IL1RAPL1: variants seen among roughly 807,000 people sequenced by gnomAD.
The protein encoded by IL1RAPL1 is interleukin 1 receptor accessory protein like 1, also known as interleukin-1 receptor accessory protein-like 1.
In IL1RAPL1, 3 loss-of-function variants were observed where a neutral mutation model predicts 48.4. The observed-to-expected ratio is 0.06, with a 90% confidence interval of 0.03 to 0.16. IL1RAPL1 has a LOEUF of 0.16. Ranked by LOEUF, IL1RAPL1 falls within the 10% of genes least tolerant of loss-of-function variation. The pLI, the probability that IL1RAPL1 is intolerant of heterozygous loss-of-function variation, is 1.00. For missense variants in IL1RAPL1, 349 were observed against 530.6 expected (o/e 0.66, Z 3.36); for synonymous variants, 185 against 187.7 (o/e 0.99, Z 0.12).
intron 5 of IL1RAPL1, among the ~76,000 whole-genome samples, chrX:29,497,075 T>A (rs956112167): frequency 3.3e-4 from 37 of 112,885 alleles, no homozygotes; most frequent in African/African-American, 1.2e-3. Context: ...TTTTGATGAA[T>A]TCTCCATATT....
At chrX:29,375,159 A>ATTTT (rs764787587) in intron 3 of IL1RAPL1, among the ~76,000 whole-genome samples, 13 of 75,999 alleles carry the variant, frequency 1.7e-4, no homozygotes, top group Non-Finnish European at 2.2e-4. Flanking sequence ...ATTGGGAGCA[A>ATTTT]TTTTTTTTTT....
chrX:29,391,174 CAA>C (rs764215826), intron 3 of IL1RAPL1, among the ~76,000 whole-genome samples: 7 of 90,126 alleles, frequency 7.8e-5, no homozygotes, highest in African/African-American at 1.6e-4. Flanking sequence ...AATTCCATCT[CAA>C]AAAAAAAAAA....
rs764911136 is a variant in IL1RAPL1, at chrX:28,975,459, G to A, written c.82+186034G>A. On this transcript the variant is annotated intron_variant, in intron 2 of 10. Transcript: ENST00000378993. ...CTCTAGTACAAAACCTGGTACAAAT[G>A]TGGAAACAATTAATATTTGAATTGG... 2.5e-4 allele frequency among the ~76,000 whole-genome samples: 28 copies of A among 112,200 alleles called. 1 individual carries two copies. In the Admixed American group the frequency reaches 2.5e-3, roughly 10 times the overall value.
At chrX:28,745,435 G>A (rs1360092058) in intron 1 of IL1RAPL1, among the ~76,000 whole-genome samples, 1 of 111,746 alleles carries the variant, frequency 8.9e-6, no homozygotes, top group Admixed American at 9.6e-5. Flanking sequence ...CCACTTACTA[G>A]TAAGGAAATA....
At chrX:29,421,572 A>G (rs752125947) in intron 5 of IL1RAPL1, among the ~76,000 whole-genome samples, 1 of 111,297 alleles carries the variant, frequency 9.0e-6, no homozygotes, top group South Asian at 3.8e-4. Flanking sequence ...CAAAGAAGGC[A>G]GAAGGGAAAG....
At chrX:29,210,965 G>A (rs760522136) in intron 2 of IL1RAPL1, among the ~76,000 whole-genome samples, 137 of 111,915 alleles carry the variant, frequency 1.2e-3, no homozygotes, top group Admixed American at 3.8e-3. Context: ...GTTGTCTTTC[G>A]TCATTCAACT....
At position 28,904,027 on chromosome X, in the gene IL1RAPL1, T is replaced by C. The variant is rs188656707; in HGVS notation, c.82+114602T>C. On this transcript the variant is annotated intron_variant, in intron 2 of 10. Coordinates refer to ENST00000378993, the MANE Select transcript of IL1RAPL1 (RefSeq NM_014271.4). ...CCATTACAAGATAGACCTACAGTTATAGTTTTTTTAACACAAACTTCTACT... is the reference window on the plus strand; with the variant it reads ...CCATTACAAGATAGACCTACAGTTACAGTTTTTTTAACACAAACTTCTACT... Among the ~76,000 whole-genome samples the C allele has an allele frequency of 1.2e-3, 133 of 110,623 alleles. 1 individual carries two copies. The highest frequency in any genetic ancestry group is 9.9e-3 in the Middle Eastern group (2 of 203).
At chrX:29,432,986 C>G (rs1934438831) in intron 5 of IL1RAPL1, among the ~76,000 whole-genome samples, 1 of 110,632 alleles carries the variant, frequency 9.0e-6, no homozygotes, top group Non-Finnish European at 1.9e-5. Flanking sequence ...AAAATCATTA[C>G]TGCCCCGCTA....
In IL1RAPL1 at chrX:29,228,385, C is replaced by T. The variant is rs191133605; in HGVS notation, c.83-54553C>T. 3.8e-3 allele frequency among the ~76,000 whole-genome samples: 247 copies of T among 64,858 alleles called. 2 individuals are homozygous for T. Among genetic ancestry groups the T allele is most frequent in the Non-Finnish European group, 7.3e-3 (195 of 26,566 alleles). 56.3% of individuals were successfully genotyped at this position (64,858 alleles called of 115,157 possible). A position where few individuals can be genotyped will look rare whatever the true frequency, so the allele number is the denominator to read the frequency against. On this transcript the variant is annotated intron_variant, in intron 2 of 10. Coordinates refer to ENST00000378993, the MANE Select transcript of IL1RAPL1 (RefSeq NM_014271.4). ...TGTGTGTGTGTGTGAGACAGAGTCT[C>T]ACCCTGTTACCCAGGCTGGAGTGCA... is the stretch of plus-strand genomic sequence containing the variant.
chrX:28,869,325 A>G (rs1406774290), intron 2 of IL1RAPL1, among the ~76,000 whole-genome samples: 1 of 112,174 alleles, frequency 8.9e-6, no homozygotes, highest in Non-Finnish European at 1.9e-5. Context: ...ATCTCCTCTT[A>G]CCTTTGCTTC....
intron 6 of IL1RAPL1, among the ~76,000 whole-genome samples, chrX:29,778,480 G>A (rs1300950439): frequency 8.9e-6 from 1 of 111,821 alleles, no homozygotes; most frequent in African/African-American, 3.2e-5. Context: ...CAGGTATTGG[G>A]TACAGCTGAA....
chrX:29,594,142 CAG>C (rs1244055271), intron 5 of IL1RAPL1, among the ~76,000 whole-genome samples: 1 of 112,416 alleles, frequency 8.9e-6, no homozygotes, highest in Non-Finnish European at 1.9e-5. Context: ...TGAAAGAGAA[CAG>C]AGAATCTGGC....
intron 5 of IL1RAPL1, among the ~76,000 whole-genome samples, chrX:29,620,275 C>T (rs1025363730): frequency 2.7e-5 from 3 of 111,819 alleles, no homozygotes; most frequent in African/African-American, 6.5e-5. Flanking sequence ...AAGAATGCGT[C>T]GTTCAGCAAT....
At chrX:28,796,833 G>T (rs925598957) in intron 2 of IL1RAPL1, among the ~76,000 whole-genome samples, 1 of 112,089 alleles carries the variant, frequency 8.9e-6, no homozygotes, top group Middle Eastern at 4.6e-3. Context: ...GACTCTGTGC[G>T]GGGGCTCTGG....
At chrX:29,322,336 G>C (rs1448587475) in intron 3 of IL1RAPL1, among the ~76,000 whole-genome samples, 1 of 107,903 alleles carries the variant, frequency 9.3e-6, no homozygotes, top group Non-Finnish European at 1.9e-5. Flanking sequence ...GCACCAGCTC[G>C]GCCCACTGCA....
chrX:29,872,612 G>A (rs1931821985), intron 6 of IL1RAPL1, among the ~76,000 whole-genome samples: 1 of 112,017 alleles, frequency 8.9e-6, no homozygotes, highest in Admixed American at 9.5e-5. Flanking sequence ...CTGTTAGCTA[G>A]CACTTAAGAT....
At chrX:28,666,114 C>A (rs1007245000) in intron 1 of IL1RAPL1, among the ~76,000 whole-genome samples, 1 of 111,512 alleles carries the variant, frequency 9.0e-6, no homozygotes, top group Non-Finnish European at 1.9e-5. Flanking sequence ...TAATGCCAGC[C>A]CTTTTCTGGT....
At chrX:29,099,001 A>C (rs142201108) in intron 2 of IL1RAPL1, among the ~76,000 whole-genome samples, 1,564 of 110,686 alleles carry the variant, frequency 0.014, 15 homozygotes, top group Non-Finnish European at 0.02. Flanking sequence ...AAATGCAAAA[A>C]ATTAGCTGGG....
At chrX:29,310,123 AAAAAAAGAAAGGAAAAAAAAAAAAAC>A (rs1932695844) in intron 3 of IL1RAPL1, among the ~76,000 whole-genome samples, 1 of 89,378 alleles carries the variant, frequency 1.1e-5, no homozygotes, top group African/African-American at 4.8e-5. Flanking sequence ...AAAAAAAAAA[AAAAAAAGAAAGGAAAAAAAAAAAAAC>A]AAAAAAAGGG....
Sources: gnomAD v4.1 joint callset for allele counts (sites outside exome capture counted in the v4.1 genomes callset) on GRCh38, gnomAD v4.1.1 for gene constraint, MANE v1.5 for transcripts, NCBI Gene and HGNC (gene_info 2026-07-23, HGNC 2026-07-21) for gene names.